SLFN12: variants seen among roughly 807,000 people sequenced by gnomAD.
The protein encoded by SLFN12 is ribonuclease SLFN12.
Under a neutral mutation model 29.1 loss-of-function variants are expected in SLFN12, and 25 were observed. The observed-to-expected ratio is 0.86, with a 90% confidence interval of 0.63 to 1.20. The LOEUF is 1.20. SLFN12 is among the 50% of genes most tolerant of loss of function. SLFN12 has a pLI of 0.00. For missense variants in SLFN12, 660 were observed against 666.2 expected (o/e 0.99, Z 0.10); for synonymous variants, 257 against 238.7 (o/e 1.08, Z -0.71).
At chr17:35,429,791 G>C (rs1326110857) in intron 1 of SLFN12, among the ~76,000 whole-genome samples, 2 of 151,994 alleles carry the variant, frequency 1.3e-5, no homozygotes, top group African/African-American at 4.8e-5. Flanking sequence ...CCGCCTTCTA[G>C]ATAATAAACC....
chr17:35,429,633 T>A (rs753266100), intron 1 of SLFN12, among the ~76,000 whole-genome samples: 1 of 152,096 alleles, frequency 6.6e-6, no homozygotes, highest in African/African-American at 2.4e-5. Context: ...TAGAGTTATG[T>A]CAGAACAGCA....
intron 3 of SLFN12, among the ~76,000 whole-genome samples, chr17:35,417,813 A>C (rs1048432351): frequency 1.3e-5 from 2 of 152,102 alleles, no homozygotes; most frequent in Non-Finnish European, 2.9e-5. Context: ...AATCAACTGC[A>C]TTTCTACACA....
chr17:35,420,903 T>A (rs968834801), intron 2 of SLFN12: 1 of 152,254 alleles, frequency 6.6e-6, no homozygotes, highest in Non-Finnish European at 1.5e-5. Flanking sequence ...GAAGCGGTTT[T>A]ATAGGAAATA....
intron 2 of SLFN12, among the ~76,000 whole-genome samples, chr17:35,421,172 G>A (rs1359010982): frequency 6.6e-6 from 1 of 151,228 alleles, no homozygotes; most frequent in East Asian, 1.9e-4. Context: ...TCCTGCCATT[G>A]CACTCCAGCC....
Position 35,425,673 on chromosome 17 carries a change from G to T in SLFN12, c.-40-2605C>A, listed in dbSNP as rs1269157001. Among the ~76,000 whole-genome samples the T allele has an allele frequency of 2.0e-5, 3 of 151,594 alleles. 1 individual carries two copies. Among genetic ancestry groups the T allele is most frequent in the African/African-American group, 7.3e-5 (3 of 41,252 alleles). Reference sequence around the variant, plus strand: ...TTTTTCTTTATCCATTCATCTGTTGGTGAACACTTAGGTTGCTTCCATATC... The same window carrying T: ...TTTTTCTTTATCCATTCATCTGTTGTTGAACACTTAGGTTGCTTCCATATC... On this transcript the variant is annotated intron_variant, in intron 1 of 3. Coordinates refer to ENST00000304905, the MANE Select transcript of SLFN12 (RefSeq NM_018042.5).
At chr17:35,419,730 G>A (rs960515650) in intron 3 of SLFN12, among the ~76,000 whole-genome samples, 1 of 152,066 alleles carries the variant, frequency 6.6e-6, no homozygotes, top group Non-Finnish European at 1.5e-5. Flanking sequence ...CTTATTACTT[G>A]AATATTCACA....
chr17:35,413,367 A>G (rs1366316579), intron 3 of SLFN12, among the ~76,000 whole-genome samples: 1 of 152,128 alleles, frequency 6.6e-6, no homozygotes, highest in Non-Finnish European at 1.5e-5. Context: ...TACAAAAAAA[A>G]AGAAAGTTAC....
intron 1 of SLFN12, among the ~76,000 whole-genome samples, chr17:35,425,833 C>CTTTTT (rs1475313050): frequency 4.5e-5 from 1 of 22,208 alleles, no homozygotes; most frequent in Non-Finnish European, 9.3e-5. Flanking sequence ...CTTTTCTTTT[C>CTTTTT]TTTTCTTTTT....
At position 35,422,687 on chromosome 17, in the gene SLFN12, G is replaced by A; in HGVS notation, c.342C>T (p.Thr114=). The change falls in exon 2 of 4, where the codon ACC becomes ACT. Residue 114 remains threonine, a synonymous_variant. Coordinates refer to ENST00000304905, the MANE Select transcript of SLFN12 (RefSeq NM_018042.5). Reference sequence around the variant, plus strand: ...TCAAGGTGGTAATCCGCAGACCAGAGGTGTTCAAGCTCCATGACTTCACAA... The same window carrying A: ...TCAAGGTGGTAATCCGCAGACCAGAAGTGTTCAAGCTCCATGACTTCACAA... ...LIFVKSWSLN[T]SGLRITTLSS... 1 of 1,614,084 alleles carries A rather than the reference G, an allele frequency of 6.2e-7. No homozygotes were observed. The highest frequency in any genetic ancestry group is 8.5e-7 in the Non-Finnish European group (1 of 1,180,010).
At chr17:35,423,199 G>A (rs1321592748) in intron 1 of SLFN12, 131 bp from the exon 2 acceptor site, 16 of 1,004,972 alleles carry the variant, frequency 1.6e-5, no homozygotes, top group Non-Finnish European at 2.0e-5. Flanking sequence ...TGGATATGAA[G>A]AGACTGGCAA....
Position 35,422,653 on chromosome 17 carries a change from A to T in SLFN12, c.376T>A (p.Leu126Met), listed in dbSNP as rs573327050. The T allele has an allele frequency of 1.2e-5, 20 of 1,613,840 alleles. No homozygotes were observed. The South Asian group carries it at 1.8e-4, about 14-fold the overall frequency. Residue 126 changes from leucine to methionine, a missense_variant, in exon 2 of 4, where the codon TTG (leucine) becomes ATG (methionine). Physicochemically the swap from Leu to Met is conservative, Grantham distance 15 (BLOSUM62 2). Transcript: ENST00000304905. ...GLRITTLSSN[L>M]YKRDITSAKV... ...GCAGATGTTATATCTCTTTTGTACA[A>T]ATTGGAGCTCAAGGTGGTAATCCGC...
At chr17:35,430,875 C>T (rs1229826783) in intron 1 of SLFN12, among the ~76,000 whole-genome samples, 1 of 152,148 alleles carries the variant, frequency 6.6e-6, no homozygotes, top group Non-Finnish European at 1.5e-5. Flanking sequence ...TGCACAGATA[C>T]TTCTCTGTTC....
In SLFN12 at chr17:35,411,359, T is replaced by C. The variant is rs767743883; in HGVS notation, c.1716A>G (p.Lys572=). Residue 572 remains lysine, a synonymous_variant, in exon 4 of 4, where the codon AAA becomes AAG. Coordinates refer to ENST00000304905, the MANE Select transcript of SLFN12 (RefSeq NM_018042.5). The stretch of plus-strand genomic sequence containing the variant: ...TCCATCAGGTGAGCCTTCGACAAGA[T>C]TTAAACATCTTTTTATCATTCTTCT... ...CFQKNDKKMF[K]SCRRLT The C allele has an allele frequency of 1.9e-5, 30 of 1,559,394 alleles. No individual in the cohort carries two copies. The highest frequency in any genetic ancestry group is 2.5e-5 in the Non-Finnish European group (29 of 1,155,504).
intron 3 of SLFN12, among the ~76,000 whole-genome samples, chr17:35,412,690 G>T (rs922784675): frequency 6.6e-6 from 1 of 151,896 alleles, no homozygotes; most frequent in Non-Finnish European, 1.5e-5. Flanking sequence ...TGTAATCCAT[G>T]ATACAATAAA....
chr17:35,421,255 A>AATAGATAG (rs559111819), intron 2 of SLFN12, among the ~76,000 whole-genome samples: 70 of 146,934 alleles, frequency 4.8e-4, no homozygotes, highest in African/African-American at 1.5e-3. Context: ...TAAATAAATA[A>AATAGATAG]ATAGAAAGGG....
chr17:35,421,626 G>T (rs953616319), intron 2 of SLFN12, among the ~76,000 whole-genome samples: 1 of 135,456 alleles, frequency 7.4e-6, no homozygotes, highest in Non-Finnish European at 1.5e-5. Flanking sequence ...TGCAACCTCC[G>T]CCACCTGGCT....
intron 3 of SLFN12, among the ~76,000 whole-genome samples, chr17:35,419,554 T>C (rs1047330049): frequency 6.6e-6 from 1 of 151,940 alleles, no homozygotes; most frequent in Non-Finnish European, 1.5e-5. Context: ...GAAATGCACA[T>C]CACAAAGACA....
At position 35,411,581 on chromosome 17, in the gene SLFN12, G is replaced by A; in HGVS notation, c.1494C>T (p.Phe498=). The part of the protein sequence containing the change: ...TKKVCVMTKI[F]YLSPEGMTSC... ...TTGTCATGCCTTCAGGGCTCAAGTA[G>A]AAGATCTTTGTCATGACACACACTT... is the stretch of plus-strand genomic sequence containing the variant. The change falls in exon 4 of 4, where the codon TTC becomes TTT. Residue 498 remains phenylalanine (F), a synonymous_variant. Coordinates refer to ENST00000304905, the MANE Select transcript of SLFN12 (RefSeq NM_018042.5). The A allele has an allele frequency of 6.2e-7, 1 of 1,614,072 alleles. No homozygotes were observed. Among genetic ancestry groups the A allele is most frequent in the Non-Finnish European group, 8.5e-7 (1 of 1,179,996 alleles).
chr17:35,429,353 A>T (rs1912185632), intron 1 of SLFN12, among the ~76,000 whole-genome samples: 1 of 152,026 alleles, frequency 6.6e-6, no homozygotes, highest in Non-Finnish European at 1.5e-5. Flanking sequence ...AGCTGTGTAA[A>T]ACTTTCCATA....
Sources: allele counts gnomAD v4.1 joint callset (sites outside exome capture counted in the v4.1 genomes callset), GRCh38; gene constraint gnomAD v4.1.1; transcripts MANE v1.5; gene names NCBI Gene and HGNC (gene_info 2026-07-23, HGNC 2026-07-21).